Variants in FBXL13 observed in about 807,000 individuals in gnomAD.
The protein encoded by FBXL13 is F-box and leucine-rich repeat protein 13.
FBXL13 carries 67 observed loss-of-function variants against 83.6 expected under a neutral mutation model. The ratio of observed to expected loss-of-function variants is 0.80; its 90% CI spans 0.66 to 0.98. The LOEUF (loss-of-function observed/expected upper bound fraction) is 0.98. Among genes scored for constraint, FBXL13 ranks in the 50% least tolerant of loss-of-function variants. The pLI, the probability that FBXL13 is intolerant of heterozygous loss-of-function variation, is 0.00. For synonymous variants in FBXL13, 272 were observed against 299.5 expected, an observed-to-expected ratio of 0.91 and a Z score of 0.95; for missense variants, 822 against 866.5, an observed-to-expected ratio of 0.95 and a Z score of 0.64.
At chr7:102,869,940 G>A (rs1274803261) in intron 16 of FBXL13, among the ~76,000 whole-genome samples, 1 of 152,130 alleles carries the variant, frequency 6.6e-6, no homozygotes, top group East Asian at 1.9e-4. Flanking sequence ...GGAGGCAGAT[G>A]GGCAGTTATA....
chr7:102,898,373 T>C lies in FBXL13; in HGVS notation c.1009-14061A>G, dbSNP rs150451847. ...TCTCTCTTTTTGAGACAGGATCTCA[T>C]TCTGTCACCCAGGCTGCAGTGCAGT... On this transcript the variant is annotated intron_variant, in intron 11 of 19. Coordinates refer to ENST00000313221, the Ensembl canonical transcript of FBXL13. 3.7e-3 allele frequency among the ~76,000 whole-genome samples: 568 copies of C among 152,234 alleles called. 5 individuals carry two copies. The highest frequency in any genetic ancestry group is 0.014 in the African/African-American group (561 of 41,530).
intron 8 of FBXL13, among the ~76,000 whole-genome samples, chr7:102,948,093 T>C (rs1822818569): frequency 6.6e-6 from 1 of 150,558 alleles, no homozygotes; most frequent in Non-Finnish European, 1.5e-5. Context: ...AGTTGGAGTC[T>C]CCCTCTGTCA....
At chr7:102,873,236 AG>A (rs1432708256) in intron 16 of FBXL13, among the ~76,000 whole-genome samples, 1 of 152,194 alleles carries the variant, frequency 6.6e-6, no homozygotes, top group Non-Finnish European at 1.5e-5. Context: ...ATCTCTATAA[AG>A]CTGTCTTGCA....
chr7:102,884,992 AT>A (rs1264369310), intron 11 of FBXL13, among the ~76,000 whole-genome samples: 2 of 152,212 alleles, frequency 1.3e-5, no homozygotes, highest in African/African-American at 2.4e-5. Flanking sequence ...TTATGACTGA[AT>A]AATATCCTAT....
chr7:103,054,413 G>A (rs1429296080), intron 2 of FBXL13, among the ~76,000 whole-genome samples: 1 of 149,828 alleles, frequency 6.7e-6, no homozygotes. Flanking sequence ...AAAAAAGAGA[G>A]AGAGTTATCA....
intron 2 of FBXL13, among the ~76,000 whole-genome samples, chr7:103,041,483 T>A (rs1360444498): frequency 6.6e-6 from 1 of 152,202 alleles, no homozygotes; most frequent in Non-Finnish European, 1.5e-5. Context: ...GAGGCTAGCA[T>A]CATCCTGATA....
At chr7:102,997,777 C>T (rs1789966200) in intron 6 of FBXL13, among the ~76,000 whole-genome samples, 1 of 152,178 alleles carries the variant, frequency 6.6e-6, no homozygotes. Context: ...TAATCATATT[C>T]CATTGGGTAC....
At chr7:103,059,500 A>C (rs187989417) in intron 1 of FBXL13, among the ~76,000 whole-genome samples, 1 of 152,322 alleles carries the variant, frequency 6.6e-6, no homozygotes, top group Admixed American at 6.5e-5. Context: ...AAACATTCCC[A>C]TAAGATTAAC....
chr7:102,825,298 G>A (rs10276710), intron 18 of FBXL13, among the ~76,000 whole-genome samples: 2 of 152,168 alleles, frequency 1.3e-5, no homozygotes, highest in Admixed American at 6.5e-5. Context: ...GCTCTCATCA[G>A]TGGATTAACC....
At chr7:102,923,957 A>G (rs1817572267) in intron 10 of FBXL13, among the ~76,000 whole-genome samples, 3 of 152,116 alleles carry the variant, frequency 2.0e-5, no homozygotes, top group African/African-American at 7.2e-5. Context: ...ATGTAAAACT[A>G]GGCTGGGCGC....
At chr7:102,812,844 T>G (rs1316332872), downstream of FBXL13, among the ~76,000 whole-genome samples, 1 of 147,984 alleles carries the variant, frequency 6.8e-6, no homozygotes, top group African/African-American at 2.5e-5. Flanking sequence ...TGGCTTCTTT[T>G]TTTTTTTTTT....
rs567421710 is a variant in FBXL13 at position 102,829,427 on chromosome 7, C to G, written c.1854+3413G>C. Among the ~76,000 whole-genome samples, 3 of 152,322 alleles carry G rather than the reference C, an allele frequency of 2.0e-5. No homozygotes were observed. In the East Asian group the frequency reaches 5.8e-4, roughly 29 times the overall value. ...TGGCCTGCTTTCGCTTACCTTATCCCTCTCAGAGGTGCATTGCAGAGACAT... is the reference window on the plus strand; with the variant it reads ...TGGCCTGCTTTCGCTTACCTTATCCGTCTCAGAGGTGCATTGCAGAGACAT... On this transcript the variant is annotated intron_variant, in intron 18 of 19. Transcript: ENST00000313221.
At chr7:102,980,643 G>T (rs1051549578) in intron 6 of FBXL13, among the ~76,000 whole-genome samples, 2 of 152,110 alleles carry the variant, frequency 1.3e-5, no homozygotes, top group Non-Finnish European at 2.9e-5. Context: ...CGGGTGTGGT[G>T]GTGGGCACCT....
At chr7:102,953,993 C>T (rs1823831763) in intron 8 of FBXL13, among the ~76,000 whole-genome samples, 2 of 152,180 alleles carry the variant, frequency 1.3e-5, no homozygotes, top group Non-Finnish European at 1.5e-5. Flanking sequence ...CAGCTCCGGT[C>T]TGCAGCTCTC....
intron 16 of FBXL13, among the ~76,000 whole-genome samples, chr7:102,869,781 C>T (rs76871310): frequency 0.04 from 6,077 of 152,134 alleles, 314 homozygotes; most frequent in East Asian, 0.16. Context: ...AAAATCAGCT[C>T]GCTATAAATG....
chr7:102,972,321 T>C (rs1398414128), intron 6 of FBXL13, among the ~76,000 whole-genome samples: 1 of 152,174 alleles, frequency 6.6e-6, no homozygotes, highest in Non-Finnish European at 1.5e-5. Flanking sequence ...TAAATTTCAA[T>C]TATTCTTCAA....
chr7:103,051,707 A>T (rs773500458), intron 2 of FBXL13, among the ~76,000 whole-genome samples: 10 of 152,238 alleles, frequency 6.6e-5, no homozygotes, highest in Non-Finnish European at 1.0e-4. Flanking sequence ...CAGCAGATTC[A>T]CAGAGACTCC....
At chr7:103,037,687 G>C (rs1017943111) in intron 2 of FBXL13, among the ~76,000 whole-genome samples, 11 of 151,796 alleles carry the variant, frequency 7.2e-5, no homozygotes, top group Admixed American at 2.6e-4. Flanking sequence ...ACATCTAGTA[G>C]TCCCAGCTAC....
At chr7:102,839,563 G>A (rs1802572294) in intron 17 of FBXL13, among the ~76,000 whole-genome samples, 1 of 152,048 alleles carries the variant, frequency 6.6e-6, no homozygotes, top group Non-Finnish European at 1.5e-5. Context: ...AGAGATTCTC[G>A]TTCCTCAGCC....
Sources: gnomAD v4.1 joint callset for allele counts (sites outside exome capture counted in the v4.1 genomes callset) on GRCh38, gnomAD v4.1.1 for gene constraint, MANE v1.5 for transcripts, NCBI Gene and HGNC (gene_info 2026-07-23, HGNC 2026-07-21) for gene names.